Variants in CPM observed in about 807,000 individuals in gnomAD.
CPM encodes the protein carboxypeptidase M.
A neutral mutation model predicts 46.4 loss-of-function variants in CPM; 35 were observed. The ratio of observed to expected loss-of-function variants is 0.75; its 90% CI spans 0.58 to 1.00. The LOEUF (loss-of-function observed/expected upper bound fraction) is 1.00. Ranked by LOEUF, CPM falls within the 50% of genes least tolerant of loss-of-function variation. The pLI is 0.00. For synonymous variants in CPM, 195 were observed against 195.3 expected (o/e 1.00, Z 0.01); for missense variants, 422 against 530.4 (o/e 0.80, Z 2.01).
intron 1 of CPM, among the ~76,000 whole-genome samples, chr12:68,950,467 G>A (rs1216402396): frequency 1.3e-5 from 2 of 152,184 alleles, no homozygotes; most frequent in Admixed American, 6.5e-5. Flanking sequence ...CTGGAACTGG[G>A]TTTCCCTGAA....
chr12:68,909,905 C>G (rs7956964), intron 2 of CPM, among the ~76,000 whole-genome samples: 2 of 151,214 alleles, frequency 1.3e-5, no homozygotes, highest in African/African-American at 4.9e-5. Context: ...TTGATGGGTG[C>G]AGCAAACCAC....
chr12:68,874,416 G>C (rs1412896802), intron 3 of CPM, among the ~76,000 whole-genome samples: 1 of 151,970 alleles, frequency 6.6e-6, no homozygotes, highest in Non-Finnish European at 1.5e-5. Context: ...AGGAGTTTGA[G>C]ACCAGCCTGG....
downstream of CPM, chr12:68,846,490 A>C (rs1056634238): frequency 1.3e-5 from 2 of 152,000 alleles, no homozygotes; most frequent in Admixed American, 6.6e-5. Flanking sequence ...TTTTTGGTTC[A>C]CACCTCCCCA....
intron 3 of CPM, among the ~76,000 whole-genome samples, chr12:68,873,018 T>A (rs1483314602): frequency 1.3e-5 from 2 of 152,220 alleles, no homozygotes; most frequent in African/African-American, 4.8e-5. Context: ...AATTTAAATG[T>A]CAGCCTTATC....
At chr12:68,864,577 C>A (rs1885352326) in intron 7 of CPM, among the ~76,000 whole-genome samples, 1 of 152,198 alleles carries the variant, frequency 6.6e-6, no homozygotes, top group Non-Finnish European at 1.5e-5. Flanking sequence ...CTTCAAAGCC[C>A]ACCTTAATTC....
rs1027540755 is a variant in CPM at position 68,853,246 on chromosome 12, T to G, written c.*3191A>C. The G allele has an allele frequency of 1.3e-5, 2 of 152,218 alleles. No homozygotes were observed. The highest frequency in any genetic ancestry group is 4.8e-5 in the African/African-American group (2 of 41,468). 9.4% of individuals were successfully genotyped at this position (152,218 alleles called of 1,614,324 possible). A position where few individuals can be genotyped will look rare whatever the true frequency, so the allele number is the denominator to read the frequency against. ...AGAATTCAATGCCCAGTTGAAAAATTGCTTGGGGCTTGATAGCAAATCAAG... is the reference window on the plus strand; with the variant it reads ...AGAATTCAATGCCCAGTTGAAAAATGGCTTGGGGCTTGATAGCAAATCAAG... On this transcript the variant is annotated 3_prime_UTR_variant, in exon 9 of 9. Transcript: ENST00000551568.
chr12:68,922,068 T>C (rs545544954), intron 2 of CPM, among the ~76,000 whole-genome samples: 1 of 152,116 alleles, frequency 6.6e-6, no homozygotes, highest in Non-Finnish European at 1.5e-5. Flanking sequence ...TATGTGAACA[T>C]AGAGTTACTG....
chr12:68,871,998 G>A, intron 3 of CPM, 42 bp from the exon 4 acceptor site: 1 of 1,607,164 alleles, frequency 6.2e-7, no homozygotes, highest in Non-Finnish European at 8.5e-7. Context: ...TTAGGTCAGA[G>A]GCAATAAGGA....
intron 6 of CPM, among the ~76,000 whole-genome samples, chr12:68,868,903 C>G (rs1424921148): frequency 3.3e-5 from 5 of 152,162 alleles, no homozygotes; most frequent in Non-Finnish European, 5.9e-5. Context: ...TTTCTCCAAG[C>G]TCTTCACTAC....
chr12:68,904,991 C>T (rs1359825636), intron 2 of CPM, among the ~76,000 whole-genome samples: 2 of 151,452 alleles, frequency 1.3e-5, no homozygotes, highest in African/African-American at 4.9e-5. Context: ...TCACTGCAAC[C>T]TCCACCTCCC....
At chr12:68,862,559 T>C (rs77129624) in intron 7 of CPM, among the ~76,000 whole-genome samples, 1 of 139,556 alleles carries the variant, frequency 7.2e-6, no homozygotes, top group African/African-American at 2.8e-5. Context: ...CTAAAGATGG[T>C]TCTTCCAGCT....
At chr12:68,893,828 G>A (rs1187224783) in intron 2 of CPM, among the ~76,000 whole-genome samples, 1 of 152,190 alleles carries the variant, frequency 6.6e-6, no homozygotes, top group Admixed American at 6.5e-5. Context: ...GCCTTGTTGA[G>A]GTTGTGGAAC....
At chr12:68,874,413 TGA>T (rs1168296997) in intron 3 of CPM, among the ~76,000 whole-genome samples, 1 of 151,588 alleles carries the variant, frequency 6.6e-6, no homozygotes, top group Non-Finnish European at 1.5e-5. Flanking sequence ...GTCAGGAGTT[TGA>T]GACCAGCCTG....
intron 1 of CPM, among the ~76,000 whole-genome samples, chr12:68,953,530 T>C (rs1323884982): frequency 1.3e-5 from 2 of 152,214 alleles, no homozygotes; most frequent in East Asian, 3.9e-4. Flanking sequence ...ATGTACTTGA[T>C]ATACTTATCA....
chr12:68,940,394 C>T, intron 1 of CPM, among the ~76,000 whole-genome samples: 1 of 151,354 alleles, frequency 6.6e-6, no homozygotes, highest in Admixed American at 6.6e-5. Context: ...CAGTATCATA[C>T]AGAATAATTT....
chr12:68,903,291 C>G (rs958325138), intron 2 of CPM, among the ~76,000 whole-genome samples: 4 of 152,142 alleles, frequency 2.6e-5, no homozygotes, highest in African/African-American at 7.2e-5. Flanking sequence ...CCCTTTGGAA[C>G]TATTGAAGTC....
At chr12:68,945,529 C>T (rs1233843182) in intron 1 of CPM, among the ~76,000 whole-genome samples, 1 of 152,138 alleles carries the variant, frequency 6.6e-6, no homozygotes, top group Admixed American at 6.6e-5. Context: ...AGGGTTGCCC[C>T]CAAGGTAAGA....
chr12:68,858,864 G>T, intron 8 of CPM, 59 bp downstream of exon 8: 1 of 1,107,350 alleles, frequency 9.0e-7, no homozygotes, highest in Non-Finnish European at 1.2e-6. Context: ...CCTTCTGGGT[G>T]AATAAGTATT....
chr12:68,878,448 G>A (rs1886049398), intron 3 of CPM, among the ~76,000 whole-genome samples: 1 of 152,124 alleles, frequency 6.6e-6, no homozygotes, highest in Non-Finnish European at 1.5e-5. Flanking sequence ...ACCCTGCACT[G>A]GATGGATCTG....
Sources: allele counts gnomAD v4.1 joint callset (sites outside exome capture counted in the v4.1 genomes callset), GRCh38; gene constraint gnomAD v4.1.1; transcripts MANE v1.5; gene names NCBI Gene and HGNC (gene_info 2026-07-23, HGNC 2026-07-21).